BCL11A: variants seen among roughly 807,000 people sequenced by gnomAD.
BCL11A encodes the protein BCL11 transcription factor A.
BCL11A carries 2 observed loss-of-function variants against 55.9 expected under a neutral mutation model. The ratio of observed to expected loss-of-function variants is 0.04; its 90% confidence interval spans 0.01 to 0.11. The LOEUF (loss-of-function observed/expected upper bound fraction) is 0.11, where lower values mean the gene tolerates loss of function less well. Ranked by LOEUF, BCL11A falls within the 10% of genes least tolerant of loss-of-function variation. The pLI is 1.00. For missense variants in BCL11A, 817 were observed against 1,137.1 expected (o/e 0.72, Z 4.05); for synonymous variants, 465 against 473.4 (o/e 0.98, Z 0.23).
chr2:60,549,224 T>C (rs938101464), intron 1 of BCL11A, among the ~76,000 whole-genome samples: 1 of 152,220 alleles, frequency 6.6e-6, no homozygotes, highest in Non-Finnish European at 1.5e-5. Context: ...GACTGAGATC[T>C]CTTTCCTCTC....
chr2:60,505,934 G>A (rs1462774480), intron 2 of BCL11A, among the ~76,000 whole-genome samples: 2 of 152,204 alleles, frequency 1.3e-5, no homozygotes. Flanking sequence ...GCCCCACCTG[G>A]TTCGTCTGCC....
chr2:60,462,605 T>C (rs1217703825), intron 3 of BCL11A, among the ~76,000 whole-genome samples, 181 bp from the exon 4 acceptor site: 1 of 151,798 alleles, frequency 6.6e-6, no homozygotes, highest in African/African-American at 2.4e-5. Context: ...TAAATATTGG[T>C]CCAATTGATC....
intron 2 of BCL11A, among the ~76,000 whole-genome samples, chr2:60,504,439 C>A (rs1331987105): frequency 6.6e-6 from 1 of 152,170 alleles, no homozygotes; most frequent in South Asian, 2.1e-4. Context: ...AGCCTGCTCT[C>A]CCAAAGAAGG....
rs552907414 is a variant in BCL11A, at chr2:60,497,579, C to T, written c.386-28746G>A. 3.3e-5 allele frequency among the ~76,000 whole-genome samples: 5 copies of T among 151,516 alleles called. No individual in the cohort carries two copies. In the South Asian group the frequency reaches 6.3e-4, roughly 19 times the overall value. On this transcript the variant is annotated intron_variant, in intron 2 of 3. Coordinates refer to ENST00000642384, the MANE Select transcript of BCL11A (RefSeq NM_022893.4). The stretch of plus-strand genomic sequence containing the variant: ...ATCGGCTCTTACCAGTCACTACCTA[C>T]GTCAGTGCCATATCCTATAATGGTG...
At chr2:60,493,968 C>T (rs1034084362) in intron 2 of BCL11A, among the ~76,000 whole-genome samples, 23 of 152,096 alleles carry the variant, frequency 1.5e-4, no homozygotes, top group Admixed American at 3.9e-4. Flanking sequence ...TGGCCTCAGG[C>T]AGTGGCGGAA....
intron 3 of BCL11A, among the ~76,000 whole-genome samples, chr2:60,467,954 CTGG>C (rs1208056508): frequency 1.3e-4 from 1 of 7,910 alleles, no homozygotes; most frequent in African/African-American, 4.8e-4. Flanking sequence ...GGTGATGGTA[CTGG>C]TGGTGATGGT....
chr2:60,455,426 T>A (rs565661575), downstream of BCL11A, among the ~76,000 whole-genome samples: 1 of 152,352 alleles, frequency 6.6e-6, no homozygotes, highest in Admixed American at 6.5e-5. Flanking sequence ...GTTCTCATGT[T>A]TCTATTGTTC....
intron 2 of BCL11A, among the ~76,000 whole-genome samples, chr2:60,478,814 G>T (rs574075185): frequency 6.6e-6 from 1 of 152,204 alleles, no homozygotes; most frequent in Non-Finnish European, 1.5e-5. Flanking sequence ...CAGAAAACAG[G>T]CCTCTGCCCG....
chr2:60,534,422 A>C (rs1669584568), intron 2 of BCL11A: 1 of 152,252 alleles, frequency 6.6e-6, no homozygotes, highest in Non-Finnish European at 1.5e-5. Flanking sequence ...CCTCCTCCAA[A>C]GGAGGAACCT....
intron 2 of BCL11A, chr2:60,542,248 C>T (rs1669955519): frequency 5.3e-6 from 1 of 190,356 alleles, no homozygotes; most frequent in Non-Finnish European, 1.1e-5. Flanking sequence ...TCTCAAAAAG[C>T]TAACTTTATG....
At chr2:60,540,519 C>T (rs1669871576) in intron 2 of BCL11A, among the ~76,000 whole-genome samples, 1 of 152,174 alleles carries the variant, frequency 6.6e-6, no homozygotes. Context: ...TCCTTTCTTA[C>T]TGACCAGCAC....
chr2:60,551,790 G>A (rs1437055487), intron 1 of BCL11A, among the ~76,000 whole-genome samples: 1 of 150,558 alleles, frequency 6.6e-6, no homozygotes, highest in Non-Finnish European at 1.5e-5. Flanking sequence ...CGGGCGCCGG[G>A]TGGGCGATCC....
chr2:60,550,518 C>T (rs1670362034), intron 1 of BCL11A, among the ~76,000 whole-genome samples: 1 of 151,286 alleles, frequency 6.6e-6, no homozygotes, highest in Non-Finnish European at 1.5e-5. Flanking sequence ...TGTTCTGCCT[C>T]CTAGCGACCG....
chr2:60,452,328 C>T (rs906158703), downstream of BCL11A: 1 of 413,848 alleles, frequency 2.4e-6, no homozygotes, highest in Non-Finnish European at 4.4e-6. Context: ...GGTCCACGGG[C>T]CCTCTCTATG....
chr2:60,512,063 G>GA (rs374485588), intron 2 of BCL11A, among the ~76,000 whole-genome samples: 47 of 152,310 alleles, frequency 3.1e-4, no homozygotes, highest in African/African-American at 1.1e-3. Context: ...ACTCCAAAAT[G>GA]AATATGTGTG....
At chr2:60,516,968 G>A (rs1668761077) in intron 2 of BCL11A, among the ~76,000 whole-genome samples, 1 of 152,200 alleles carries the variant, frequency 6.6e-6, no homozygotes. Context: ...TCAGGAAAGA[G>A]ATTATTTAGG....
intron 1 of BCL11A, among the ~76,000 whole-genome samples, chr2:60,552,898 G>T (rs1440296305): frequency 1.3e-5 from 2 of 152,058 alleles, no homozygotes; most frequent in African/African-American, 4.8e-5. Flanking sequence ...GGGGCGGGGG[G>T]GGAGTGGAAT....
At chr2:60,474,322 AT>A (rs1677391140) in intron 2 of BCL11A, among the ~76,000 whole-genome samples, 1 of 152,182 alleles carries the variant, frequency 6.6e-6, no homozygotes, top group Non-Finnish European at 1.5e-5. Flanking sequence ...AAAAAAAAAA[AT>A]CTTGCTTTTC....
intron 2 of BCL11A, among the ~76,000 whole-genome samples, chr2:60,529,454 T>C (rs987842390): frequency 6.6e-6 from 1 of 152,214 alleles, no homozygotes; most frequent in African/African-American, 2.4e-5. Flanking sequence ...CCATTTTATT[T>C]CGTGTAATCA....
Sources: allele counts gnomAD v4.1 joint callset (sites outside exome capture counted in the v4.1 genomes callset), GRCh38; gene constraint gnomAD v4.1.1; transcripts MANE v1.5; gene names NCBI Gene and HGNC (gene_info 2026-07-23, HGNC 2026-07-21).